Variants in MRPS28 observed in about 807,000 individuals in gnomAD.
MRPS28 encodes the protein mitochondrial ribosomal protein S28.
MRPS28 carries 7 observed loss-of-function variants against 10.8 expected under a neutral mutation model. The ratio of observed to expected loss-of-function variants is 0.65; its 90% CI spans 0.37 to 1.22. The LOEUF (loss-of-function observed/expected upper bound fraction) is 1.22, where lower values mean the gene tolerates loss of function less well. MRPS28 is among the 50% of genes most tolerant of loss of function. The pLI is 0.02. For synonymous variants in MRPS28, 121 were observed against 93.3 expected, an observed-to-expected ratio of 1.30 and a Z score of -1.71; for missense variants, 265 against 232.9, an observed-to-expected ratio of 1.14 and a Z score of -0.90.
At chr8:79,977,238 C>T (rs1474264742) in intron 2 of MRPS28, among the ~76,000 whole-genome samples, 1 of 152,150 alleles carries the variant, frequency 6.6e-6, no homozygotes, top group Non-Finnish European at 1.5e-5. Flanking sequence ...TCATTAAATA[C>T]TCATTTAAAT....
chr8:80,006,217 T>C (rs1364914477), intron 1 of MRPS28, among the ~76,000 whole-genome samples: 2 of 152,162 alleles, frequency 1.3e-5, no homozygotes, highest in African/African-American at 4.8e-5. Context: ...TATTCCAAAA[T>C]TGACCACGTA....
intron 2 of MRPS28, among the ~76,000 whole-genome samples, chr8:79,975,586 A>G (rs59175715): frequency 0.049 from 7,417 of 152,296 alleles, 590 homozygotes; most frequent in African/African-American, 0.17. Flanking sequence ...AGAACAGGCC[A>G]ATGACTCTGG....
chr8:80,014,905 T>C (rs899285386), intron 1 of MRPS28, among the ~76,000 whole-genome samples: 12 of 152,164 alleles, frequency 7.9e-5, no homozygotes, highest in African/African-American at 2.7e-4. Context: ...CTTAGATGCA[T>C]CTGAGAGGTG....
intron 2 of MRPS28, among the ~76,000 whole-genome samples, chr8:79,981,202 C>T (rs765009495): frequency 4.8e-4 from 73 of 152,218 alleles, no homozygotes; most frequent in Admixed American, 2.4e-3. Context: ...TGGTGGCATG[C>T]ACCTGTAGTC....
At chr8:79,983,448 A>T (rs1359870426) in intron 2 of MRPS28, among the ~76,000 whole-genome samples, 1 of 152,226 alleles carries the variant, frequency 6.6e-6, no homozygotes, top group East Asian at 1.9e-4. Flanking sequence ...AGTTGAGAGA[A>T]GAAGGCTTCA....
chr8:79,944,348 C>A (rs980353932), intron 2 of MRPS28, among the ~76,000 whole-genome samples: 1 of 152,182 alleles, frequency 6.6e-6, no homozygotes, highest in Non-Finnish European at 1.5e-5. Flanking sequence ...CCCTTTCCTG[C>A]AAGGTGTTGG....
intron 2 of MRPS28, among the ~76,000 whole-genome samples, chr8:79,956,058 G>C (rs1807200104): frequency 6.6e-6 from 1 of 152,032 alleles, no homozygotes; most frequent in Non-Finnish European, 1.5e-5. Flanking sequence ...AAAAATGAAA[G>C]GCTGGACTGA....
rs1159572451 is a variant in MRPS28, at chr8:80,028,325, C to CT, written c.213+1710dup. ...TATATTTGGAAGGGAGCACTGAACT[C>CT]TATGTTTCCAACCTTACTGCACTTA... On this transcript the variant is annotated intron_variant, in intron 1 of 2. Transcript: ENST00000276585. Among the ~76,000 whole-genome samples, 7 of 151,998 alleles carry CT rather than the reference C, an allele frequency of 4.6e-5. No individual in the cohort carries two copies. In the South Asian group the frequency reaches 1.0e-3, roughly 23 times the overall value.
At chr8:79,922,934 T>C (rs567086726) in intron 2 of MRPS28, among the ~76,000 whole-genome samples, 138 of 152,268 alleles carry the variant, frequency 9.1e-4, no homozygotes, top group South Asian at 6.2e-3. Flanking sequence ...TTTGGTAGAC[T>C]ACATATGATT....
intron 2 of MRPS28, among the ~76,000 whole-genome samples, chr8:79,946,990 T>C (rs1806936703): frequency 6.6e-6 from 1 of 152,096 alleles, no homozygotes; most frequent in Non-Finnish European, 1.5e-5. Context: ...CAAATACAAA[T>C]TGGAAAGAGG....
chr8:79,963,950 T>A (rs1807439036), intron 2 of MRPS28, among the ~76,000 whole-genome samples: 1 of 152,116 alleles, frequency 6.6e-6, no homozygotes, highest in South Asian at 2.1e-4. Flanking sequence ...AGTTAAAATA[T>A]AAAAAAGGTA....
chr8:79,928,559 C>T (rs1426355264), intron 2 of MRPS28, among the ~76,000 whole-genome samples: 1 of 151,900 alleles, frequency 6.6e-6, no homozygotes, highest in Non-Finnish European at 1.5e-5. Context: ...TGTGCCTCAG[C>T]CTCCCAAGTA....
At chr8:79,961,289 T>C (rs560720945) in intron 2 of MRPS28, among the ~76,000 whole-genome samples, 6 of 152,232 alleles carry the variant, frequency 3.9e-5, no homozygotes, top group South Asian at 2.1e-4. Flanking sequence ...TTTTTGACAA[T>C]AGGATATCCC....
chr8:79,977,531 T>C (rs779879582), intron 2 of MRPS28, among the ~76,000 whole-genome samples: 1 of 152,104 alleles, frequency 6.6e-6, no homozygotes, highest in Non-Finnish European at 1.5e-5. Context: ...AACAAAAGAA[T>C]ACAGGCGAAG....
At chr8:79,962,721 A>T (rs1221133384) in intron 2 of MRPS28, among the ~76,000 whole-genome samples, 2 of 152,168 alleles carry the variant, frequency 1.3e-5, no homozygotes, top group East Asian at 3.9e-4. Context: ...GAATGAAAAT[A>T]TGAAAGTAGG....
intron 2 of MRPS28, among the ~76,000 whole-genome samples, chr8:79,967,921 T>C (rs1807541856): frequency 6.6e-6 from 1 of 152,148 alleles, no homozygotes; most frequent in Non-Finnish European, 1.5e-5. Context: ...AACTGATACA[T>C]ACTATTTACA....
intron 1 of MRPS28, among the ~76,000 whole-genome samples, chr8:80,003,995 C>T (rs1189595176): frequency 6.6e-6 from 1 of 152,222 alleles, no homozygotes; most frequent in African/African-American, 2.4e-5. Context: ...CAGGAAGCTC[C>T]AACTGGGTGG....
At chr8:79,927,442 C>T (rs1291885161) in intron 2 of MRPS28, among the ~76,000 whole-genome samples, 1 of 150,404 alleles carries the variant, frequency 6.6e-6, no homozygotes, top group African/African-American at 2.5e-5. Context: ...ATTCCTAATC[C>T]CCTGCACTTT....
intron 2 of MRPS28, among the ~76,000 whole-genome samples, chr8:79,983,564 C>T (rs1808045249): frequency 2.0e-5 from 3 of 152,140 alleles, no homozygotes; most frequent in Non-Finnish European, 4.4e-5. Context: ...ATAACCAATA[C>T]AGAGAAGTGC....
Sources: gnomAD v4.1 joint callset for allele counts (sites outside exome capture counted in the v4.1 genomes callset) on GRCh38, gnomAD v4.1.1 for gene constraint, MANE v1.5 for transcripts, NCBI Gene and HGNC (gene_info 2026-07-23, HGNC 2026-07-21) for gene names.